The following ST6GALNAC3 variants were observed in gnomAD, a reference collection of about 807,000 sequenced individuals.
ST6GALNAC3 encodes ST6 N-acetylgalactosaminide alpha-2,6-sialyltransferase 3.
A neutral mutation model predicts 32.7 loss-of-function variants in ST6GALNAC3; 25 were observed. The observed-to-expected ratio is 0.76, with a 90% CI of 0.56 to 1.07. The LOEUF (loss-of-function observed/expected upper bound fraction) is 1.07. Ranked by LOEUF, ST6GALNAC3 falls within the 50% of genes least tolerant of loss-of-function variation. The probability of loss-of-function intolerance (pLI) is 0.00; values close to 1 mark genes in which losing one functional copy is unlikely to be tolerated. For missense variants in ST6GALNAC3, 355 were observed against 382.4 expected, an observed-to-expected ratio of 0.93 and a Z score of 0.60; for synonymous variants, 129 against 133.1, an observed-to-expected ratio of 0.97 and a Z score of 0.21.
At chr1:76,543,472 A>G (rs1348910159) in intron 3 of ST6GALNAC3, among the ~76,000 whole-genome samples, 1 of 152,214 alleles carries the variant, frequency 6.6e-6, no homozygotes, top group Non-Finnish European at 1.5e-5. Flanking sequence ...AAATATTTTT[A>G]TCTTCAGATC....
At chr1:76,172,169 C>A (rs1189932460) in intron 1 of ST6GALNAC3, among the ~76,000 whole-genome samples, 2 of 152,008 alleles carry the variant, frequency 1.3e-5, no homozygotes, top group Non-Finnish European at 2.9e-5. Context: ...CGCTGGGATG[C>A]AAGGCTGGTT....
At chr1:76,147,431 C>G (rs892978545) in intron 1 of ST6GALNAC3, among the ~76,000 whole-genome samples, 1 of 152,134 alleles carries the variant, frequency 6.6e-6, no homozygotes, top group Non-Finnish European at 1.5e-5. Context: ...TGAAATCAAG[C>G]ACAGATATCT....
chr1:76,096,827 T>A (rs539428186), intron 1 of ST6GALNAC3, among the ~76,000 whole-genome samples: 79 of 152,216 alleles, frequency 5.2e-4, no homozygotes, highest in African/African-American at 1.8e-3. Context: ...AACGAAGTTC[T>A]TACTAGAGGT....
intron 3 of ST6GALNAC3, among the ~76,000 whole-genome samples, chr1:76,552,148 A>G (rs1037043137): frequency 6.6e-6 from 1 of 152,260 alleles, no homozygotes; most frequent in South Asian, 2.1e-4. Flanking sequence ...GTGGGACCCA[A>G]TGTGAGCTCC....
At chr1:76,575,188 T>G (rs1646781120) in intron 3 of ST6GALNAC3, among the ~76,000 whole-genome samples, 1 of 152,110 alleles carries the variant, frequency 6.6e-6, no homozygotes, top group African/African-American at 2.4e-5. Flanking sequence ...ATTTTAATCA[T>G]CAATGAAAAG....
chr1:76,626,115 A>C (rs1648950684), intron 3 of ST6GALNAC3, among the ~76,000 whole-genome samples: 1 of 151,916 alleles, frequency 6.6e-6, no homozygotes. Context: ...GCAGCAGCAA[A>C]GGATTCAAGG....
At chr1:76,579,971 T>C (rs576276183) in intron 3 of ST6GALNAC3, among the ~76,000 whole-genome samples, 1 of 152,182 alleles carries the variant, frequency 6.6e-6, no homozygotes, top group South Asian at 2.1e-4. Context: ...TTCTCATACC[T>C]TCATCATTTA....
At chr1:76,202,900 T>C (rs1654613131) in intron 1 of ST6GALNAC3, among the ~76,000 whole-genome samples, 1 of 152,186 alleles carries the variant, frequency 6.6e-6, no homozygotes, top group South Asian at 2.1e-4. Context: ...AAATCAACTA[T>C]TGAGGAAGAA....
At chr1:76,329,601 G>T (rs924518017) in intron 2 of ST6GALNAC3, among the ~76,000 whole-genome samples, 9 of 151,996 alleles carry the variant, frequency 5.9e-5, no homozygotes, top group Non-Finnish European at 1.2e-4. Context: ...TTTCCTCTGT[G>T]GTGGTTTGCC....
chr1:76,515,571 A>C (rs1259727496), intron 3 of ST6GALNAC3, among the ~76,000 whole-genome samples: 4 of 151,946 alleles, frequency 2.6e-5, no homozygotes. Flanking sequence ...TTCCTCTTAG[A>C]ACTGTTTTTG....
chr1:76,183,085 G>A (rs34508435), intron 1 of ST6GALNAC3, among the ~76,000 whole-genome samples: 13,968 of 152,070 alleles, frequency 0.092, 835 homozygotes, highest in Middle Eastern at 0.12. Context: ...TTTAATATAT[G>A]GTTATGGAGA....
At chr1:76,425,059 T>C in intron 3 of ST6GALNAC3, among the ~76,000 whole-genome samples, 1 of 151,880 alleles carries the variant, frequency 6.6e-6, no homozygotes, top group East Asian at 1.9e-4. Context: ...CCGATGAAAA[T>C]AACAGTTTAA....
At chr1:76,504,898 A>G (rs1661381211) in intron 3 of ST6GALNAC3, among the ~76,000 whole-genome samples, 1 of 152,162 alleles carries the variant, frequency 6.6e-6, no homozygotes, top group Admixed American at 6.5e-5. Flanking sequence ...CGTACTTCAG[A>G]TGTGGCCTCA....
chr1:76,488,534 G>A (rs1413756169), intron 3 of ST6GALNAC3, among the ~76,000 whole-genome samples: 1 of 152,182 alleles, frequency 6.6e-6, no homozygotes, highest in Non-Finnish European at 1.5e-5. Flanking sequence ...ACCAGGGTAA[G>A]CTTAGATCCA....
At chr1:76,457,400 A>G (rs1272521281) in intron 3 of ST6GALNAC3, among the ~76,000 whole-genome samples, 1 of 152,180 alleles carries the variant, frequency 6.6e-6, no homozygotes, top group Non-Finnish European at 1.5e-5. Context: ...CGCCAAGTCA[A>G]TCCTAAGCCA....
chr1:76,581,573 T>C (rs904411430), intron 3 of ST6GALNAC3, among the ~76,000 whole-genome samples: 4 of 152,172 alleles, frequency 2.6e-5, no homozygotes, highest in Admixed American at 2.6e-4. Context: ...TACACAGACA[T>C]TTTTACTGTA....
intron 3 of ST6GALNAC3, among the ~76,000 whole-genome samples, chr1:76,541,497 T>A (rs1355552369): frequency 1.3e-5 from 2 of 152,226 alleles, no homozygotes; most frequent in African/African-American, 4.8e-5. Context: ...TTATCTGCAT[T>A]CAAGTATGTT....
intron 1 of ST6GALNAC3, among the ~76,000 whole-genome samples, chr1:76,106,899 A>G (rs1307511410): frequency 6.6e-6 from 1 of 152,244 alleles, no homozygotes; most frequent in East Asian, 1.9e-4. Flanking sequence ...CTCTGAGGTA[A>G]TAACATGGAT....
At chr1:76,405,449 A>G (rs759922838) in intron 2 of ST6GALNAC3, among the ~76,000 whole-genome samples, 88 of 152,214 alleles carry the variant, frequency 5.8e-4, no homozygotes, top group East Asian at 9.6e-4. Context: ...TTGTCCCAAT[A>G]TATCACTCAG....
Sources: gnomAD v4.1 joint callset for allele counts (sites outside exome capture counted in the v4.1 genomes callset) on GRCh38, gnomAD v4.1.1 for gene constraint, MANE v1.5 for transcripts, NCBI Gene and HGNC (gene_info 2026-07-23, HGNC 2026-07-21) for gene names.